PDXDC1: variants seen among roughly 807,000 people sequenced by gnomAD.
PDXDC1 encodes pyridoxal-dependent decarboxylase domain-containing protein 1.
A neutral mutation model predicts 100.1 loss-of-function variants in PDXDC1; 42 were observed. The ratio of observed to expected loss-of-function variants is 0.42; its 90% CI spans 0.33 to 0.54. The LOEUF (loss-of-function observed/expected upper bound fraction) is 0.54, where lower values mean the gene tolerates loss of function less well. PDXDC1 is among the 20% of genes least tolerant of loss of function. The pLI is 0.10. For missense variants in PDXDC1, 636 were observed against 979.2 expected, an observed-to-expected ratio of 0.65 and a Z score of 4.68; for synonymous variants, 260 against 371.7, an observed-to-expected ratio of 0.70 and a Z score of 3.46.
intron 8 of PDXDC1, among the ~76,000 whole-genome samples, chr16:15,011,408 A>G (rs887290641): frequency 2.6e-5 from 4 of 152,288 alleles, no homozygotes; most frequent in Admixed American, 1.3e-4. Context: ...AATATTAACT[A>G]TAAATGGTTC....
At chr16:15,092,558 G>A in intron 16 of PDXDC1, 2 of 1,613,652 alleles carry the variant, frequency 1.2e-6, no homozygotes, top group Non-Finnish European at 1.7e-6. Context: ...AAACCGAACA[G>A]TTTTTCTTGG....
intron 1 of PDXDC1, among the ~76,000 whole-genome samples, chr16:14,992,427 G>A (rs1352489134): frequency 6.6e-6 from 1 of 152,282 alleles, no homozygotes; most frequent in African/African-American, 2.4e-5. Context: ...AGGTGGTAGG[G>A]GACACACGGG....
chr16:15,135,815 G>A lies in PDXDC1; in HGVS notation c.1400-3064G>A, dbSNP rs146867702. Reference sequence around the variant, plus strand: ...GGGCACCAGGCGCTCAGGGGCCACCGTCACATTGGCCTGGATGCTCCGTGC... The same window carrying A: ...GGGCACCAGGCGCTCAGGGGCCACCATCACATTGGCCTGGATGCTCCGTGC... On this transcript the variant is annotated intron_variant, in intron 16 of 16. Transcript: ENST00000535621. The A allele has an allele frequency of 1.0e-3, 1,553 of 1,500,594 alleles. 22 individuals are homozygous for A. In the African/African-American group the frequency reaches 0.017, roughly 17 times the overall value. 93.0% of individuals were successfully genotyped at this position (1,500,594 alleles called of 1,614,324 possible).
intron 16 of PDXDC1, chr16:15,076,285 G>C (rs1372031342): frequency 1.7e-6 from 1 of 591,396 alleles, no homozygotes; most frequent in East Asian, 2.8e-5. Flanking sequence ...CGCCCTCACA[G>C]ACAGCATCTG....
rs1241551174 is a variant in PDXDC1, at chr16:14,987,096, G to GA, written c.22-10645dup. Among the ~76,000 whole-genome samples the GA allele has an allele frequency of 7.8e-3, 1,148 of 147,894 alleles. 2 individuals carry two copies. The highest frequency in any genetic ancestry group is 9.9e-3 in the African/African-American group (401 of 40,604). ...TGGGTTTAAGAGTTGGTGGAAAAAG[G>GA]AAAAAAAAAAAATGCCCTGATCTGG... On this transcript the variant is annotated intron_variant, in intron 1 of 22. Coordinates refer to ENST00000396410, the MANE Select transcript of PDXDC1 (RefSeq NM_015027.4).
At chr16:15,127,723 G>A in intron 16 of PDXDC1, 1 of 1,511,588 alleles carries the variant, frequency 6.6e-7, no homozygotes. Flanking sequence ...GTACCACACG[G>A]CGTTGGCGCC....
At chr16:15,012,065 A>T (rs138724041) in intron 8 of PDXDC1, among the ~76,000 whole-genome samples, 466 of 152,384 alleles carry the variant, frequency 3.1e-3, no homozygotes, top group Middle Eastern at 0.01. Context: ...TCTAAAATAT[A>T]TAAAGAACTG....
At position 15,133,893 on chromosome 16, in the gene PDXDC1, G is replaced by A. The variant is rs878979627; in HGVS notation, c.1400-4986G>A. ...CAGCGGCGGGCGGTTGGGGGACAGG[G>A]GGATGGAGGCGCAGCCCTCCTCCTC... On this transcript the variant is annotated intron_variant, in intron 16 of 16. Transcript: ENST00000535621. 29 of 1,492,656 alleles carry A rather than the reference G, an allele frequency of 1.9e-5. 1 individual carries two copies. Among genetic ancestry groups the A allele is most frequent in the Non-Finnish European group, 2.4e-5 (26 of 1,097,026 alleles). The allele number at this position is 1,492,656 out of a possible 1,614,324, so 92.5% of individuals were successfully genotyped here.
At chr16:15,134,061 C>G (rs567475265) in intron 16 of PDXDC1, 1 of 1,572,208 alleles carries the variant, frequency 6.4e-7, no homozygotes, top group Non-Finnish European at 8.6e-7. Context: ...GCTGAACGTA[C>G]GTGCAGCCCA....
downstream of PDXDC1, chr16:15,038,443 T>G: frequency 1.6e-6 from 1 of 640,840 alleles, no homozygotes; most frequent in Non-Finnish European, 2.8e-6. Context: ...ATGGGGTCTG[T>G]CAATGGCATC....
intron 16 of PDXDC1, chr16:15,047,571 G>T (rs368185470): frequency 1.9e-6 from 3 of 1,546,306 alleles, no homozygotes; most frequent in Non-Finnish European, 2.7e-6. Flanking sequence ...AGGGTGAAAG[G>T]ACTCAAGTTA....
rs560826836 is a variant in PDXDC1 at position 15,104,593 on chromosome 16, G to A, written c.1400-34286G>A. On this transcript the variant is annotated intron_variant, in intron 16 of 16. Transcript: ENST00000535621. ...GCTGAGGGTGGAAGGGGATAGAGCA[G>A]ACACTCCGCAGGTGTCTTGAGGCTC... 4 of 1,599,504 alleles carry A rather than the reference G, an allele frequency of 2.5e-6. No individual in the cohort carries two copies. The African/African-American group carries it at 4.0e-5, about 16-fold the overall frequency.
chr16:15,007,296 AAGT>A (rs2040864096), intron 6 of PDXDC1, among the ~76,000 whole-genome samples: 1 of 150,902 alleles, frequency 6.6e-6, no homozygotes, highest in Non-Finnish European at 1.5e-5. Flanking sequence ...TCAGCCTCCC[AAGT>A]AGCTGGGACT....
chr16:15,083,017 G>C (rs2045768050), intron 16 of PDXDC1, among the ~76,000 whole-genome samples: 1 of 152,190 alleles, frequency 6.6e-6, no homozygotes, highest in South Asian at 2.1e-4. Flanking sequence ...AAAAGGCACT[G>C]GGAATCCCCA....
downstream of PDXDC1, among the ~76,000 whole-genome samples, chr16:15,142,180 G>A (rs1308155656): frequency 1.3e-5 from 2 of 152,146 alleles, no homozygotes; most frequent in Non-Finnish European, 2.9e-5. Context: ...AGTGGCTGCT[G>A]CTGGGAGCTG....
At chr16:15,135,607 G>C in intron 16 of PDXDC1, 1 of 1,492,734 alleles carries the variant, frequency 6.7e-7, no homozygotes, top group South Asian at 1.2e-5. Context: ...CATGGGTGTG[G>C]ACGGGTGAGG....
intron 16 of PDXDC1, among the ~76,000 whole-genome samples, chr16:15,124,272 A>C (rs1470831049): frequency 6.6e-6 from 1 of 152,104 alleles, no homozygotes; most frequent in Non-Finnish European, 1.5e-5. Flanking sequence ...TCCTCAGCTA[A>C]ACTTCCCACA....
the PDXDC1 span, among the ~76,000 whole-genome samples, chr16:15,146,398 G>C: frequency 6.6e-6 from 1 of 152,192 alleles, no homozygotes; most frequent in Non-Finnish European, 1.5e-5. Context: ...AACTCAGGCA[G>C]TGCCACTCGC....
chr16:15,132,855 C>T (rs551028230), intron 16 of PDXDC1: 97 of 1,587,282 alleles, frequency 6.1e-5, no homozygotes, highest in East Asian at 4.0e-4. Flanking sequence ...TCTGCCGCCA[C>T]GTCCAGGGCC....
Sources: gnomAD v4.1 joint callset for allele counts (sites outside exome capture counted in the v4.1 genomes callset) on GRCh38, gnomAD v4.1.1 for gene constraint, MANE v1.5 for transcripts, NCBI Gene and HGNC (gene_info 2026-07-23, HGNC 2026-07-21) for gene names.